The following ARB2A variants were observed in gnomAD, a reference collection of about 807,000 sequenced individuals.
ARB2A encodes the protein cotranscriptional regulator ARB2A.
At chr5:94,035,232 T>TATACATATACACATACAC in the ARB2A span, among the ~76,000 whole-genome samples, 1 of 151,494 alleles carries the variant, frequency 6.6e-6, no homozygotes, top group Non-Finnish European at 1.5e-5. Flanking sequence ...TACATATACA[T>TATACATATACACATACAC]ATACATATAC....
chr5:93,661,950 A>G, the ARB2A span, among the ~76,000 whole-genome samples: 1 of 152,180 alleles, frequency 6.6e-6, no homozygotes, highest in Non-Finnish European at 1.5e-5. Context: ...TCAGCAGGTA[A>G]GTAAAACATG....
the ARB2A span, among the ~76,000 whole-genome samples, chr5:93,782,967 TATG>T: frequency 1.3e-5 from 2 of 152,140 alleles, no homozygotes; most frequent in Non-Finnish European, 2.9e-5. Flanking sequence ...TTGATTAAAT[TATG>T]ATGAATTCAA....
the ARB2A span, among the ~76,000 whole-genome samples, chr5:94,012,026 A>G: frequency 2.0e-5 from 3 of 152,192 alleles, no homozygotes; most frequent in African/African-American, 7.2e-5. Context: ...CTAGTGTGAC[A>G]TGACAGCATA....
the ARB2A span, chr5:93,743,565 A>G: frequency 2.4e-4 from 236 of 985,286 alleles, no homozygotes; most frequent in African/African-American, 3.9e-3. Context: ...TCACGAAGCA[A>G]TCAGTATCTG....
chr5:94,099,223 C>A, the ARB2A span, among the ~76,000 whole-genome samples: 1 of 152,082 alleles, frequency 6.6e-6, no homozygotes, highest in East Asian at 1.9e-4. Context: ...ATGCAAAAAT[C>A]CTCAACAAAA....
the ARB2A span, among the ~76,000 whole-genome samples, chr5:93,720,912 G>A: frequency 2.0e-5 from 3 of 151,968 alleles, no homozygotes; most frequent in African/African-American, 7.3e-5. Flanking sequence ...TAACTAAACT[G>A]GTAGGTGTAT....
the ARB2A span, among the ~76,000 whole-genome samples, chr5:94,076,178 G>A: frequency 6.6e-6 from 1 of 152,012 alleles, no homozygotes; most frequent in African/African-American, 2.4e-5. Flanking sequence ...TTTACGAAAT[G>A]TCGCTTCAAC....
At chr5:93,852,080 A>T in the ARB2A span, among the ~76,000 whole-genome samples, 1 of 152,194 alleles carries the variant, frequency 6.6e-6, no homozygotes, top group African/African-American at 2.4e-5. Flanking sequence ...ACAGTGTAAA[A>T]GTGTTCCTAT....
At chr5:93,708,339 T>C in the ARB2A span, among the ~76,000 whole-genome samples, 6 of 152,218 alleles carry the variant, frequency 3.9e-5, no homozygotes, top group Non-Finnish European at 7.3e-5. Flanking sequence ...TTTGGTATGA[T>C]AACAGTCTCA....
At chr5:93,829,040 G>T in the ARB2A span, among the ~76,000 whole-genome samples, 9 of 152,116 alleles carry the variant, frequency 5.9e-5, no homozygotes, top group African/African-American at 2.2e-4. Flanking sequence ...GCCTCCCAAA[G>T]TGCTGGGATT....
chr5:93,634,053 G>C, the ARB2A span, among the ~76,000 whole-genome samples: 3 of 152,076 alleles, frequency 2.0e-5, no homozygotes, highest in African/African-American at 7.2e-5. Flanking sequence ...GTGAACCACT[G>C]GGCTTGGTCG....
At chr5:94,064,873 A>G in the ARB2A span, among the ~76,000 whole-genome samples, 1 of 152,224 alleles carries the variant, frequency 6.6e-6, no homozygotes, top group Non-Finnish European at 1.5e-5. Flanking sequence ...GAAGATATCT[A>G]GCACCATGTA....
At chr5:94,009,975 T>C in the ARB2A span, among the ~76,000 whole-genome samples, 3 of 151,940 alleles carry the variant, frequency 2.0e-5, no homozygotes, top group East Asian at 5.8e-4. Flanking sequence ...ATTTTACTGA[T>C]AACACTGAAG....
chr5:93,910,097 C>A, the ARB2A span, among the ~76,000 whole-genome samples: 2 of 150,856 alleles, frequency 1.3e-5, no homozygotes, highest in Non-Finnish European at 3.0e-5. Context: ...ATATATATAT[C>A]ACTGACTTCA....
At chr5:93,729,443 C>A in the ARB2A span, among the ~76,000 whole-genome samples, 27,599 of 151,902 alleles carry the variant, frequency 0.18, 2,872 homozygotes, top group Middle Eastern at 0.28. Context: ...CAGAGCCTGG[C>A]GGAAAATCAG....
At chr5:93,799,092 T>C in the ARB2A span, among the ~76,000 whole-genome samples, 2 of 152,122 alleles carry the variant, frequency 1.3e-5, no homozygotes, top group Non-Finnish European at 2.9e-5. Flanking sequence ...ATTATTCAAA[T>C]TTATTGGTGA....
the ARB2A span, among the ~76,000 whole-genome samples, chr5:93,966,635 G>A: frequency 6.6e-6 from 1 of 152,010 alleles, no homozygotes; most frequent in Non-Finnish European, 1.5e-5. Context: ...AACCATAGAT[G>A]AAATCATCTA....
At chr5:93,961,317 C>A in the ARB2A span, among the ~76,000 whole-genome samples, 5 of 152,068 alleles carry the variant, frequency 3.3e-5, no homozygotes, top group South Asian at 2.1e-4. Context: ...TTGACTAAGT[C>A]CCCTGTTACC....
At chr5:94,072,441 C>T in the ARB2A span, among the ~76,000 whole-genome samples, 2,160 of 152,058 alleles carry the variant, frequency 0.014, 53 homozygotes, top group African/African-American at 0.049. Flanking sequence ...CAGTACTGTA[C>T]CAATATCTTG....
Sources: gnomAD v4.1 joint callset for allele counts (sites outside exome capture counted in the v4.1 genomes callset) on GRCh38, gnomAD v4.1.1 for gene constraint, MANE v1.5 for transcripts, NCBI Gene and HGNC (gene_info 2026-07-23, HGNC 2026-07-21) for gene names.